Variants in BRF1 observed in about 807,000 individuals in gnomAD.
BRF1 encodes transcription factor IIIB 90 kDa subunit.
A neutral mutation model predicts 81.7 loss-of-function variants in BRF1; 59 were observed. The ratio of observed to expected loss-of-function variants is 0.72; its 90% CI spans 0.59 to 0.90. The LOEUF is 0.90. Among genes scored for constraint, BRF1 ranks in the 40% least tolerant of loss-of-function variants. The probability of loss-of-function intolerance (pLI) is 0.00; values close to 1 mark genes in which losing one functional copy is unlikely to be tolerated. For synonymous variants in BRF1, 491 were observed against 395.6 expected, an observed-to-expected ratio of 1.24 and a Z score of -2.86; for missense variants, 1,050 against 936.3, an observed-to-expected ratio of 1.12 and a Z score of -1.58.
At chr14:105,246,920 G>A in intron 5 of BRF1, 2 of 985,394 alleles carry the variant, frequency 2.0e-6, no homozygotes, top group Non-Finnish European at 2.4e-6. Context: ...TGTCGCCCAG[G>A]TCTTGTGTGC....
intron 4 of BRF1, among the ~76,000 whole-genome samples, chr14:105,254,260 A>C (rs1223955180): frequency 6.6e-6 from 1 of 152,104 alleles, no homozygotes; most frequent in East Asian, 1.9e-4. Context: ...TTTTTGTTTT[A>C]GTTTGTTTGT....
chr14:105,294,438 G>A (rs587766283), intron 1 of BRF1, among the ~76,000 whole-genome samples: 66 of 152,328 alleles, frequency 4.3e-4, no homozygotes, highest in African/African-American at 1.2e-3. Context: ...CACCAGGCCC[G>A]GATGCACTTA....
intron 6 of BRF1, among the ~76,000 whole-genome samples, chr14:105,229,441 T>G (rs1033794413): frequency 9.2e-5 from 14 of 151,976 alleles, no homozygotes; most frequent in Non-Finnish European, 1.9e-4. Context: ...CCGGGTAGAG[T>G]GGACTCTGTG....
upstream of BRF1, among the ~76,000 whole-genome samples, chr14:105,305,407 A>G (rs1018343598): frequency 1.8e-4 from 28 of 151,488 alleles, no homozygotes; most frequent in Non-Finnish European, 3.1e-4. Flanking sequence ...GTCTCAAAGA[A>G]AAAAGAAACA....
At chr14:105,289,709 C>T (rs948050330) in intron 1 of BRF1, among the ~76,000 whole-genome samples, 1 of 152,124 alleles carries the variant, frequency 6.6e-6, no homozygotes, top group African/African-American at 2.4e-5. Context: ...GATCTCGGCT[C>T]ACTGCAACCT....
chr14:105,222,731 C>T (rs992132955), intron 10 of BRF1, among the ~76,000 whole-genome samples: 25 of 152,112 alleles, frequency 1.6e-4, no homozygotes, highest in Admixed American at 2.0e-4. Context: ...CGGGTTCACG[C>T]CATTCTCCTG....
chr14:105,258,970 G>A (rs771001008), intron 3 of BRF1, among the ~76,000 whole-genome samples: 1 of 152,106 alleles, frequency 6.6e-6, no homozygotes, highest in Non-Finnish European at 1.5e-5. Flanking sequence ...ACAATGCCAC[G>A]AGCCCGCGAC....
intron 3 of BRF1, among the ~76,000 whole-genome samples, chr14:105,257,500 AG>A (rs1161640447): frequency 6.6e-6 from 1 of 152,218 alleles, no homozygotes; most frequent in Non-Finnish European, 1.5e-5. Context: ...AGAAGGTGCC[AG>A]GGCTGGGTAC....
At chr14:105,292,582 T>C (rs1009356218) in intron 1 of BRF1, among the ~76,000 whole-genome samples, 4 of 152,078 alleles carry the variant, frequency 2.6e-5, no homozygotes, top group African/African-American at 9.7e-5. Context: ...TGGAGAGGAA[T>C]TCAGGGGTCC....
chr14:105,277,835 A>G (rs2056909502), intron 2 of BRF1, among the ~76,000 whole-genome samples: 1 of 152,088 alleles, frequency 6.6e-6, no homozygotes. Context: ...GCTCACTGCA[A>G]CCTCTGCTTC....
At chr14:105,278,747 A>G (rs1347755122) in intron 2 of BRF1, among the ~76,000 whole-genome samples, 2 of 148,484 alleles carry the variant, frequency 1.3e-5, no homozygotes, top group Non-Finnish European at 3.0e-5. Flanking sequence ...TCTCTATTTA[A>G]AAAAAAAAAA....
rs1171973014 is a variant in BRF1 at position 105,241,291 on chromosome 14, C to T, written c.668G>A (p.Arg223Gln). The T allele has an allele frequency of 1.9e-6, 3 of 1,612,334 alleles. No homozygotes were observed. Among genetic ancestry groups the T allele is most frequent in the Admixed American group, 1.7e-5 (1 of 60,010 alleles). ...RMKRDWMHTGRRPSGLCGAAL... is the reference protein window; with the variant it reads ...RMKRDWMHTGQRPSGLCGAAL... ...TGCTCCGCAGAGGCCCGAGGGGCGC[C>T]GGCCTGTGTGCATCCAGTCCCGCTT... The change falls in exon 6 of 18, where the codon CGG becomes CAG. Residue 223 changes from arginine (R) to glutamine (Q), a missense_variant. Physicochemically the swap from Arg to Gln is conservative, Grantham distance 43. This residue lies in a region of BRF1 where 1,043 missense variants were observed against 915.4 expected (regional missense o/e 1.14). Coordinates refer to ENST00000547530, the MANE Select transcript of BRF1 (RefSeq NM_001519.4).
chr14:105,241,632 C>T (rs1166975367), intron 5 of BRF1: 5 of 627,290 alleles, frequency 8.0e-6, no homozygotes, highest in South Asian at 1.9e-5. Context: ...TGCCAGCCAG[C>T]CTGCTGCAGA....
rs182513775 is a variant in BRF1, at chr14:105,241,428, A to G, written c.545-14T>C. 23 of 1,609,736 alleles carry G rather than the reference A, an allele frequency of 1.4e-5. No homozygotes were observed. Among genetic ancestry groups the G allele is most frequent in the Admixed American group, 1.2e-4 (7 of 60,008 alleles). ...ACAGGCACGGGTCTGCGGCAGACAC[A>G]GCACCTCAGTGCCCACCTCCATGTG... On this transcript the variant is annotated splice_polypyrimidine_tract_variant and intron_variant, in intron 5 of 17. Coordinates refer to ENST00000547530, the MANE Select transcript of BRF1 (RefSeq NM_001519.4).
Position 105,293,660 on chromosome 14 carries a change from C to T in BRF1, c.184+6786G>A, listed in dbSNP as rs368668480. Among the ~76,000 whole-genome samples the T allele has an allele frequency of 1.8e-4, 27 of 152,338 alleles. 1 individual carries two copies. In the East Asian group the frequency reaches 4.6e-3, roughly 26 times the overall value. Reference sequence around the variant, plus strand: ...CACTGCCAACGGCCCCCAACTCCACCGTCTGCCTGGCCCCTCCAGCCACGC... The same window carrying T: ...CACTGCCAACGGCCCCCAACTCCACTGTCTGCCTGGCCCCTCCAGCCACGC... On this transcript the variant is annotated intron_variant, in intron 1 of 17. Transcript: ENST00000547530.
intron 5 of BRF1, chr14:105,250,716 G>C (rs781716954): frequency 6.4e-7 from 1 of 1,560,264 alleles, no homozygotes; most frequent in Non-Finnish European, 8.7e-7. Context: ...GAGTGGAGGG[G>C]AAGTCAAGAT....
intron 15 of BRF1, chr14:105,212,984 G>A (rs934410571): frequency 6.6e-5 from 10 of 152,244 alleles, no homozygotes; most frequent in African/African-American, 2.4e-4. Flanking sequence ...GCAGGTGTGA[G>A]CCAGGCTGAG....
chr14:105,294,910 A>T (rs999046116), intron 1 of BRF1, among the ~76,000 whole-genome samples: 1 of 152,154 alleles, frequency 6.6e-6, no homozygotes, highest in African/African-American at 2.4e-5. Flanking sequence ...TATAACTAGA[A>T]CCTCAGTGAT....
chr14:105,282,969 C>T (rs867477028), intron 2 of BRF1, among the ~76,000 whole-genome samples: 14 of 152,072 alleles, frequency 9.2e-5, no homozygotes, highest in Middle Eastern at 6.8e-3. Flanking sequence ...AAGATAAATA[C>T]GAAATACAAA....
Sources: gnomAD v4.1 joint callset for allele counts (sites outside exome capture counted in the v4.1 genomes callset) on GRCh38, gnomAD v4.1.1 for gene constraint, gnomAD v4.1.1 regional missense constraint, MANE v1.5 for transcripts, NCBI Gene and HGNC (gene_info 2026-07-23, HGNC 2026-07-21) for gene names.